Variants in TBL1XR1 observed in about 807,000 individuals in gnomAD.
TBL1XR1 encodes TBL1X/Y related 1, also known as F-box-like/WD repeat-containing protein TBL1XR1.
TBL1XR1 carries 5 observed loss-of-function variants against 66.9 expected under a neutral mutation model. The observed-to-expected ratio is 0.07, with a 90% CI of 0.04 to 0.16. TBL1XR1 has a LOEUF of 0.16. Ranked by LOEUF, TBL1XR1 falls within the 10% of genes least tolerant of loss-of-function variation. The pLI is 1.00. For missense variants in TBL1XR1, 238 were observed against 623.2 expected (o/e 0.38, Z 6.58); for synonymous variants, 210 against 206.0 (o/e 1.02, Z -0.17).
At chr3:177,072,290 A>G (rs1238512718) in intron 2 of TBL1XR1, among the ~76,000 whole-genome samples, 1 of 152,214 alleles carries the variant, frequency 6.6e-6, no homozygotes, top group East Asian at 1.9e-4. Context: ...TTTTAAGGGA[A>G]CTGTGAGGTC....
intron 2 of TBL1XR1, among the ~76,000 whole-genome samples, chr3:177,087,225 T>C (rs537015158): frequency 8.5e-6 from 1 of 117,958 alleles, no homozygotes; most frequent in South Asian, 2.4e-4. Flanking sequence ...TACTTTTTTA[T>C]TTAAAAAAAA....
Position 177,022,835 on chromosome 3 carries a change from T to C in TBL1XR1, c.*2663A>G, listed in dbSNP as rs1334665752. 6.6e-6 allele frequency: 1 copy of C among 152,484 alleles called. No homozygotes were observed. The allele number at this position is 152,484 out of a possible 1,614,324, so 9.4% of individuals were successfully genotyped here. Reference sequence around the variant, plus strand: ...GTGGCACATCAGCAGGCAATGATGATGTTGAGAACAGCAGCAAAAATAAAC... The same window carrying C: ...GTGGCACATCAGCAGGCAATGATGACGTTGAGAACAGCAGCAAAAATAAAC... On this transcript the variant is annotated 3_prime_UTR_variant, in exon 16 of 16. Transcript: ENST00000457928.
chr3:177,050,367 G>T, intron 6 of TBL1XR1, 111 bp downstream of exon 6: 1 of 1,382,354 alleles, frequency 7.2e-7, no homozygotes, highest in Non-Finnish European at 9.7e-7. Context: ...AATTTACAGA[G>T]ACAAAATGGC....
At chr3:177,134,945 C>CTGTGTGTGTGTGTGTGTGTG (rs10662042) in intron 1 of TBL1XR1, among the ~76,000 whole-genome samples, 1,708 of 128,850 alleles carry the variant, frequency 0.013, 34 homozygotes, top group African/African-American at 0.038. Context: ...CACTGCAAGG[C>CTGTGTGTGTGTGTGTGTGTG]TGTGTGTGTG....
chr3:177,193,888 T>G (rs1213143958), intron 1 of TBL1XR1, among the ~76,000 whole-genome samples: 2 of 152,222 alleles, frequency 1.3e-5, no homozygotes, highest in African/African-American at 2.4e-5. Context: ...GGGAATTAAC[T>G]TCTTTGCATC....
At chr3:177,130,203 T>C (rs1306746494) in intron 1 of TBL1XR1, among the ~76,000 whole-genome samples, 1 of 150,376 alleles carries the variant, frequency 6.6e-6, no homozygotes, top group East Asian at 1.9e-4. Context: ...AATGCACATA[T>C]CCTTTGACCG....
chr3:177,194,624 TAA>T (rs1736590229), intron 1 of TBL1XR1, among the ~76,000 whole-genome samples: 1 of 152,186 alleles, frequency 6.6e-6, no homozygotes, highest in African/African-American at 2.4e-5. Flanking sequence ...CTGATAGATT[TAA>T]TCAACAAGTT....
At chr3:177,082,939 T>C (rs1721620979) in intron 2 of TBL1XR1, among the ~76,000 whole-genome samples, 1 of 151,076 alleles carries the variant, frequency 6.6e-6, no homozygotes, top group Non-Finnish European at 1.5e-5. Context: ...CTGTATCTTT[T>C]AGTAGAGACG....
intron 1 of TBL1XR1, among the ~76,000 whole-genome samples, chr3:177,107,673 C>G (rs1725044771): frequency 6.6e-6 from 1 of 152,142 alleles, no homozygotes; most frequent in African/African-American, 2.4e-5. Flanking sequence ...ACTTCTGGTT[C>G]ACACACACAT....
At chr3:177,040,143 C>A (rs1200126844) in intron 10 of TBL1XR1, among the ~76,000 whole-genome samples, 2 of 152,124 alleles carry the variant, frequency 1.3e-5, no homozygotes. Context: ...GACAGTGGGA[C>A]CTCATTTCTA....
intron 1 of TBL1XR1, among the ~76,000 whole-genome samples, chr3:177,194,702 G>A (rs1372556425): frequency 6.6e-6 from 1 of 152,076 alleles, no homozygotes; most frequent in African/African-American, 2.4e-5. Context: ...ATTACCTTCT[G>A]TTAGCTTGAA....
At chr3:177,091,352 C>G (rs535197471) in intron 2 of TBL1XR1, among the ~76,000 whole-genome samples, 3 of 152,024 alleles carry the variant, frequency 2.0e-5, no homozygotes, top group African/African-American at 7.2e-5. Context: ...CATTTATACT[C>G]TACTTTTGTT....
chr3:177,050,433 A>G (rs1716904929), intron 6 of TBL1XR1, 45 bp downstream of exon 6: 2 of 1,602,048 alleles, frequency 1.2e-6, no homozygotes, highest in Non-Finnish European at 1.7e-6. Context: ...AAAATGTTCA[A>G]TAAGATATTT....
Position 177,114,756 on chromosome 3 carries a change from G to A in TBL1XR1, c.-121-16215C>T, listed in dbSNP as rs1454104897. Among the ~76,000 whole-genome samples the A allele has an allele frequency of 4.0e-5, 6 of 151,684 alleles. No individual in the cohort carries two copies. The East Asian group carries it at 5.8e-4, about 15-fold the overall frequency. ...TTTGGGACGCTGAGATGGGAAGATC[G>A]CTTAAGCCCAGGAGTTCGAGACAAG... On this transcript the variant is annotated intron_variant, in intron 1 of 15. Coordinates refer to ENST00000457928, the MANE Select transcript of TBL1XR1 (RefSeq NM_024665.7).
intron 2 of TBL1XR1, among the ~76,000 whole-genome samples, chr3:177,093,873 G>C (rs1723132230): frequency 6.6e-6 from 1 of 152,136 alleles, no homozygotes; most frequent in Admixed American, 6.5e-5. Flanking sequence ...AAGAATTCCA[G>C]AAGATAACAT....
chr3:177,091,920 G>T (rs2108645488), intron 2 of TBL1XR1, among the ~76,000 whole-genome samples: 1 of 152,248 alleles, frequency 6.6e-6, no homozygotes, highest in South Asian at 2.1e-4. Flanking sequence ...AATTGAATAT[G>T]AACATTCTCA....
chr3:177,186,310 A>C lies in TBL1XR1; in HGVS notation c.-122+10811T>G, dbSNP rs546344983. On this transcript the variant is annotated intron_variant, in intron 1 of 15. Coordinates refer to ENST00000457928, the MANE Select transcript of TBL1XR1 (RefSeq NM_024665.7). ...TCTTAAGCATGTATATTACATTGTT[A>C]TATGAATGAGTGCCAAAGAGCACTG... 3.3e-5 allele frequency among the ~76,000 whole-genome samples: 5 copies of C among 152,366 alleles called. No individual in the cohort carries two copies. In the East Asian group the frequency reaches 9.6e-4, roughly 29 times the overall value.
At chr3:177,196,910 G>C (rs577415228) in intron 1 of TBL1XR1, among the ~76,000 whole-genome samples, 39 of 151,956 alleles carry the variant, frequency 2.6e-4, no homozygotes, top group Middle Eastern at 3.4e-3. Flanking sequence ...AAACCTGAGA[G>C]AGGAAAACGG....
chr3:177,129,972 G>A (rs1411837216), intron 1 of TBL1XR1, among the ~76,000 whole-genome samples: 3 of 151,872 alleles, frequency 2.0e-5, no homozygotes, highest in African/African-American at 7.3e-5. Flanking sequence ...CGCCAAACCC[G>A]TGTCTGTACT....
Sources: allele counts gnomAD v4.1 joint callset (sites outside exome capture counted in the v4.1 genomes callset), GRCh38; gene constraint gnomAD v4.1.1; transcripts MANE v1.5; gene names NCBI Gene and HGNC (gene_info 2026-07-23, HGNC 2026-07-21).